The following ZBTB21 variants were observed in gnomAD, a reference collection of about 807,000 sequenced individuals.
The protein encoded by ZBTB21 is zinc finger and BTB domain containing 21, also known as zinc finger and BTB domain-containing protein 21.
A neutral mutation model predicts 39.8 loss-of-function variants in ZBTB21; 10 were observed. That is an observed-to-expected ratio of 0.25 (90% CI 0.16 to 0.43). The LOEUF (loss-of-function observed/expected upper bound fraction) is 0.43. Ranked by LOEUF, ZBTB21 falls within the 20% of genes least tolerant of loss-of-function variation. ZBTB21 has a pLI of 1.00. For missense variants in ZBTB21, 1,221 were observed against 1,296.3 expected, an observed-to-expected ratio of 0.94 and a Z score of 0.89; for synonymous variants, 551 against 498.8, an observed-to-expected ratio of 1.10 and a Z score of -1.40.
At chr21:42,004,604 C>T (rs2065856875) in intron 1 of ZBTB21, among the ~76,000 whole-genome samples, 1 of 152,104 alleles carries the variant, frequency 6.6e-6, no homozygotes, top group African/African-American at 2.4e-5. Context: ...CCCAGACTAG[C>T]CACAAAACTG....
rs908569698 is a variant in ZBTB21, at chr21:41,992,349, T to C, written c.1747A>G (p.Arg583Gly). ...KPYACDICHK[R>G]FHTNFKVWTH... ...CACACTTTGAAGTTGGTGTGAAACC[T>C]CTTGTGACAGATGTCACAAGCGTAG... Residue 583 changes from arginine to glycine, a missense_variant, in exon 3 of 3, where the codon AGG becomes GGG. Arg to Gly is a moderately radical substitution (Grantham distance 125). Coordinates refer to ENST00000310826, the MANE Select transcript of ZBTB21 (RefSeq NM_001098402.2). This position sits in a 1 kb window ranked among gnomAD's most constrained non-coding sequence, Gnocchi z 4.1. 2.5e-6 allele frequency: 4 copies of C among 1,614,226 alleles called. No homozygotes were observed. In the Admixed American group the frequency reaches 6.7e-5, roughly 27 times the overall value.
intron 2 of ZBTB21, 34 bp from the exon 3 acceptor site, chr21:41,994,142 T>G (rs1409189421): frequency 6.6e-7 from 1 of 1,521,648 alleles, no homozygotes; most frequent in African/African-American, 1.4e-5. Flanking sequence ...CTACAGATAT[T>G]GCAGTGAAAA....
In ZBTB21 at chr21:41,993,714, T is replaced by C. The variant is rs113061522; in HGVS notation, c.382A>G (p.Thr128Ala). ...VSKTPQAPFPTCPNRKKVFVE... is the reference protein window; with the variant it reads ...VSKTPQAPFPACPNRKKVFVE... ...AACACTTTTTTTCTATTAGGACACG[T>C]TGGAAAGGGGGCTTGAGGTGTTTTA... is the stretch of plus-strand genomic sequence containing the variant. The change falls in exon 3 of 3, where the codon ACG becomes GCG. Residue 128 changes from threonine (T) to alanine (A), a missense_variant. By Grantham distance (58) the Thr-to-Ala change is moderately conservative. Coordinates refer to ENST00000310826, the MANE Select transcript of ZBTB21 (RefSeq NM_001098402.2). The C allele has an allele frequency of 1.3e-4, 217 of 1,614,060 alleles. No individual in the cohort carries two copies. In the African/African-American group the frequency reaches 2.3e-3, roughly 17 times the overall value.
chr21:42,003,803 A>G (rs2065845839), intron 1 of ZBTB21, among the ~76,000 whole-genome samples: 1 of 152,150 alleles, frequency 6.6e-6, no homozygotes, highest in Non-Finnish European at 1.5e-5. Flanking sequence ...TTACATTTCT[A>G]CTATAGACGC....
intron 2 of ZBTB21, chr21:42,002,637 C>G (rs1295355925): frequency 6.6e-6 from 1 of 152,278 alleles, no homozygotes; most frequent in Non-Finnish European, 1.5e-5. Flanking sequence ...TCAGGGCCTC[C>G]GACTTACAGA....
At chr21:41,997,228 C>A (rs116251488) in intron 2 of ZBTB21, among the ~76,000 whole-genome samples, 2,311 of 152,096 alleles carry the variant, frequency 0.015, 65 homozygotes, top group African/African-American at 0.053. Flanking sequence ...GGCCAAGAGA[C>A]CTTTAAAAAT....
At chr21:42,003,583 C>T (rs1188546231) in intron 1 of ZBTB21, among the ~76,000 whole-genome samples, 1 of 152,096 alleles carries the variant, frequency 6.6e-6, no homozygotes, top group African/African-American at 2.4e-5. Context: ...TATCTCTAGT[C>T]CAAAAACCCA....
At chr21:42,007,920 C>T (rs1422474825) in intron 1 of ZBTB21, 1 of 152,168 alleles carries the variant, frequency 6.6e-6, no homozygotes, top group Non-Finnish European at 1.5e-5. Context: ...GACGATGATT[C>T]CCAAATCTGT....
chr21:41,994,634 C>CT (rs2065721744), intron 2 of ZBTB21, among the ~76,000 whole-genome samples: 1 of 152,188 alleles, frequency 6.6e-6, no homozygotes, highest in African/African-American at 2.4e-5. Context: ...ATCTCTCTGT[C>CT]ACCCAGGCTG....
At chr21:41,995,916 G>T (rs754400148) in intron 2 of ZBTB21, among the ~76,000 whole-genome samples, 1 of 152,226 alleles carries the variant, frequency 6.6e-6, no homozygotes, top group Admixed American at 6.5e-5. Flanking sequence ...AAGCCTTGGC[G>T]GCTTCCATGT....
intron 2 of ZBTB21, among the ~76,000 whole-genome samples, chr21:41,996,209 T>C (rs2065744123): frequency 6.6e-6 from 1 of 152,130 alleles, no homozygotes; most frequent in Non-Finnish European, 1.5e-5. Context: ...GGTAGATACG[T>C]CGACAGCTGG....
chr21:42,008,340 T>TAA lies in ZBTB21; in HGVS notation c.-79+1911_-79+1912insTT, dbSNP rs1260353877. Among the ~76,000 whole-genome samples, 15 of 7,220 alleles carry TAA rather than the reference T, an allele frequency of 2.1e-3. 1 individual carries two copies. The highest frequency in any genetic ancestry group is 4.7e-3 in the African/African-American group (6 of 1,278). The allele number at this position is 7,220 out of a possible 152,430, so 4.7% of individuals were successfully genotyped here. On this transcript the variant is annotated intron_variant, in intron 1 of 2. Transcript: ENST00000310826. Reference sequence around the variant, plus strand: ...GGTCAACAGGATGAAACCCCGTCTCTACAAAAAAAAAAAAAAAAAAAAAAA... The same window carrying TAA: ...GGTCAACAGGATGAAACCCCGTCTCTAAACAAAAAAAAAAAAAAAAAAAAAAA...
intron 1 of ZBTB21, chr21:42,007,796 G>A (rs572947830): frequency 1.3e-5 from 2 of 152,370 alleles, no homozygotes; most frequent in East Asian, 1.9e-4. Flanking sequence ...TCAAACTTGA[G>A]GCTCAAGACC....
chr21:42,009,640 G>C (rs1332953399), intron 1 of ZBTB21: 2 of 153,140 alleles, frequency 1.3e-5, no homozygotes, highest in Non-Finnish European at 2.9e-5. Flanking sequence ...GCGTCCGCGG[G>C]AGGGGCCGGG....
intron 2 of ZBTB21, among the ~76,000 whole-genome samples, chr21:41,996,574 C>T (rs948250909): frequency 6.6e-6 from 1 of 152,182 alleles, no homozygotes; most frequent in African/African-American, 2.4e-5. Context: ...AAGGGATTTG[C>T]TTTGTCTCAG....
At chr21:42,009,807 C>G (rs1000112195) in intron 1 of ZBTB21, among the ~76,000 whole-genome samples, 1 of 151,992 alleles carries the variant, frequency 6.6e-6, no homozygotes, top group Non-Finnish European at 1.5e-5. Context: ...GCGCACACCC[C>G]GCGGCCCGGG....
At position 41,993,522 on chromosome 21, in the gene ZBTB21, G is replaced by A. The variant is rs139205397; in HGVS notation, c.574C>T (p.Pro192Ser). The change falls in exon 3 of 3, where the codon CCA (proline) becomes TCA (serine). Residue 192 changes from proline to serine, a missense_variant. This residue lies in a region of ZBTB21 where 500 missense variants were observed against 465.6 expected (regional missense o/e 1.07). Transcript: ENST00000310826. The stretch of plus-strand genomic sequence containing the variant: ...TTATGAAGTGGTTCTATTGGTTTTG[G>A]GACATGTGGCTTATTGGTATTGGCC... Reference protein sequence around the residue: ...VKANTNKPHVPKPIEPLHNLS... With the variant: ...VKANTNKPHVSKPIEPLHNLS... 1 of 1,614,186 alleles carries A rather than the reference G, an allele frequency of 6.2e-7. No individual in the cohort carries two copies. The highest frequency in any genetic ancestry group is 1.7e-5 in the Admixed American group (1 of 60,028).
chr21:41,991,646 T>C lies in ZBTB21; in HGVS notation c.2450A>G (p.Asn817Ser), dbSNP rs141394564. Residue 817 changes from asparagine (N) to serine (S), a missense_variant, in exon 3 of 3, where the codon AAT becomes AGT. Asn to Ser is a conservative substitution (Grantham distance 46). This residue lies in a region of ZBTB21 where 523 missense variants were observed against 542.5 expected (regional missense o/e 0.96). Transcript: ENST00000310826. This position sits in a 1 kb window ranked among gnomAD's most constrained non-coding sequence, Gnocchi z 4.9. ...CCTTGAAGAACCAGTCACATCACCA[T>C]TGTGGTCCAAAACGGGCAAAGAAAA... ...ENFSLPVLDH[N>S]GDVTGSSRPQ... The C allele has an allele frequency of 4.2e-5, 67 of 1,614,072 alleles. No homozygotes were observed. Among genetic ancestry groups the C allele is most frequent in the East Asian group, 8.9e-5 (4 of 44,900 alleles).
rs1376964072 is a variant in ZBTB21 at position 41,988,815 on chromosome 21, G to C, written c.*2080C>G. 1.3e-5 allele frequency: 2 copies of C among 151,496 alleles called. No individual in the cohort carries two copies. Among genetic ancestry groups the C allele is most frequent in the Non-Finnish European group, 2.9e-5 (2 of 67,886 alleles). 9.4% of individuals were successfully genotyped at this position (151,496 alleles called of 1,614,324 possible). On this transcript the variant is annotated 3_prime_UTR_variant, in exon 3 of 3. Coordinates refer to ENST00000310826, the MANE Select transcript of ZBTB21 (RefSeq NM_001098402.2). The stretch of plus-strand genomic sequence containing the variant: ...TTTTTAAAAAATCTTCGAAAATGTA[G>C]CATAAAGGTTTAGGTCCTGGGATAC...
Sources: gnomAD v4.1 joint callset for allele counts (sites outside exome capture counted in the v4.1 genomes callset) on GRCh38, gnomAD v4.1.1 for gene constraint, gnomAD v4.1.1 regional missense constraint, Gnocchi (gnomAD v3.1) non-coding constraint, MANE v1.5 for transcripts, NCBI Gene and HGNC (gene_info 2026-07-23, HGNC 2026-07-21) for gene names.